The following TNS1 variants were observed in gnomAD, a reference collection of about 807,000 sequenced individuals.
The protein encoded by TNS1 is tensin-1.
In TNS1, 62 loss-of-function variants were observed where a neutral mutation model predicts 168.6. The ratio of observed to expected loss-of-function variants is 0.37; its 90% CI spans 0.30 to 0.45. The LOEUF (loss-of-function observed/expected upper bound fraction) is 0.45. Ranked by LOEUF, TNS1 falls within the 20% of genes least tolerant of loss-of-function variation. TNS1 has a pLI of 1.00. For synonymous variants in TNS1, 934 were observed against 933.2 expected, an observed-to-expected ratio of 1.00 and a Z score of -0.02; for missense variants, 2,240 against 2,339.4, an observed-to-expected ratio of 0.96 and a Z score of 0.88.
chr2:218,019,326 T>A (rs1958787484), intron 1 of TNS1, among the ~76,000 whole-genome samples: 1 of 152,176 alleles, frequency 6.6e-6, no homozygotes, highest in Non-Finnish European at 1.5e-5. Flanking sequence ...CAAATGACGG[T>A]GCTGACATGC....
intron 4 of TNS1, among the ~76,000 whole-genome samples, chr2:217,918,177 G>A (rs1955292239): frequency 6.6e-6 from 1 of 152,236 alleles, no homozygotes; most frequent in South Asian, 2.1e-4. Flanking sequence ...GGATTAATGT[G>A]CTCACTTTGG....
intron 1 of TNS1, among the ~76,000 whole-genome samples, chr2:218,030,051 C>T (rs1241944222): frequency 6.6e-6 from 1 of 152,180 alleles, no homozygotes; most frequent in Admixed American, 6.5e-5. Context: ...ACTCAGCCCT[C>T]TCCCTGGCTG....
chr2:217,810,205 A>C (rs1001805043), intron 29 of TNS1, 43 bp downstream of exon 29: 1 of 1,608,370 alleles, frequency 6.2e-7, no homozygotes, highest in Admixed American at 1.7e-5. Context: ...GGAAGGCAGA[A>C]AGAGAGGCCT....
chr2:217,851,976 T>A (rs928139510), intron 18 of TNS1, among the ~76,000 whole-genome samples: 1 of 152,168 alleles, frequency 6.6e-6, no homozygotes, highest in Non-Finnish European at 1.5e-5. Context: ...AAACCCCACC[T>A]CTACTAAAAA....
chr2:217,930,515 G>T (rs1161296345), intron 3 of TNS1, among the ~76,000 whole-genome samples: 2 of 152,218 alleles, frequency 1.3e-5, no homozygotes, highest in Non-Finnish European at 2.9e-5. Context: ...GGAGGGCCAG[G>T]CTGAGGCCAA....
At chr2:217,868,449 C>T (rs936155348) in intron 18 of TNS1, among the ~76,000 whole-genome samples, 3 of 152,204 alleles carry the variant, frequency 2.0e-5, no homozygotes, top group African/African-American at 7.2e-5. Context: ...ACTGGACTTG[C>T]AGCCAGAGGC....
intron 22 of TNS1, chr2:217,829,814 G>C: frequency 6.2e-7 from 1 of 1,613,728 alleles, no homozygotes. Flanking sequence ...CAGACCCAGA[G>C]AGCAGGAAGT....
rs73076327 is a variant in TNS1, at chr2:217,863,328, G to A, written c.1430-14241C>T. On this transcript the variant is annotated intron_variant, in intron 18 of 32. Transcript: ENST00000682258. ...AGGTAGCCAGGGCCCCCCAGGGAATGTGTGACAATACTGCAGATATTTGGG... is the reference window on the plus strand; with the variant it reads ...AGGTAGCCAGGGCCCCCCAGGGAATATGTGACAATACTGCAGATATTTGGG... Among the ~76,000 whole-genome samples the A allele has an allele frequency of 9.0e-3, 1,367 of 152,272 alleles. 19 individuals are homozygous for A. The highest frequency in any genetic ancestry group is 0.031 in the African/African-American group (1,294 of 41,532).
At chr2:217,991,125 C>G (rs146978926) in intron 1 of TNS1, 69 bp from the exon 2 acceptor site, 3 of 512,114 alleles carry the variant, frequency 5.9e-6, no homozygotes, top group African/African-American at 5.7e-5. Flanking sequence ...AGTAGAGGAG[C>G]CTGGGGGAGA....
chr2:217,871,455 T>C (rs2042541), intron 18 of TNS1, among the ~76,000 whole-genome samples: 47,703 of 152,102 alleles, frequency 0.31, 7,787 homozygotes, highest in East Asian at 0.37. Context: ...TCTGCTTAGA[T>C]ACAAGGGGCA....
chr2:217,812,567 C>T, intron 27 of TNS1, 122 bp from the exon 28 acceptor site: 1 of 736,532 alleles, frequency 1.4e-6, no homozygotes, highest in Non-Finnish European at 2.2e-6. Context: ...TACCTCAACC[C>T]ACCACCAAAG....
intron 1 of TNS1, among the ~76,000 whole-genome samples, chr2:217,991,893 A>C (rs1958375754): frequency 6.6e-6 from 1 of 151,922 alleles, no homozygotes; most frequent in African/African-American, 2.4e-5. Flanking sequence ...AAATGACACC[A>C]CCTCATGCAT....
chr2:217,895,292 C>T (rs1215571173), intron 8 of TNS1, among the ~76,000 whole-genome samples: 3 of 152,162 alleles, frequency 2.0e-5, no homozygotes, highest in Admixed American at 2.0e-4. Flanking sequence ...TCTCTCTCCC[C>T]GATAGGAATT....
intron 19 of TNS1, among the ~76,000 whole-genome samples, chr2:217,839,362 C>T (rs1331078175): frequency 1.3e-5 from 2 of 152,092 alleles, no homozygotes; most frequent in African/African-American, 4.8e-5. Flanking sequence ...CACAGCCCTG[C>T]CAGGATGAGC....
chr2:217,924,473 C>A (rs1030573296), intron 3 of TNS1, among the ~76,000 whole-genome samples: 5 of 152,208 alleles, frequency 3.3e-5, no homozygotes, highest in Non-Finnish European at 5.9e-5. Context: ...GGGCAGGAAG[C>A]ACATCTTATC....
In TNS1 at chr2:217,818,047, C is replaced by A. The variant is rs1489932110; in HGVS notation, c.4285G>T (p.Gly1429Cys). 1 of 1,607,174 alleles carries A rather than the reference C, an allele frequency of 6.2e-7. No individual in the cohort carries two copies. Among genetic ancestry groups the A allele is most frequent in the African/African-American group, 1.3e-5 (1 of 74,990 alleles). Residue 1429 changes from glycine to cysteine, a missense_variant, in exon 24 of 33, where the codon GGC becomes TGC. Transcript: ENST00000682258. ...PCLDRHVAYG[G>C]YSTPEDRRPT... ...CTCCGATCCTCCGGGGTAGAATAGC[C>A]ACCATAGGCCACATGCCGGTCCAAG...
chr2:217,960,797 C>G (rs1957477051), intron 3 of TNS1, among the ~76,000 whole-genome samples: 1 of 152,168 alleles, frequency 6.6e-6, no homozygotes. Context: ...CCAATTCCCT[C>G]CAGCTGCAGT....
chr2:217,881,948 A>G lies in TNS1; in HGVS notation c.1312+398T>C, dbSNP rs141231628. ...ACTTATAACCAGTATAGAGGCTTCA[A>G]GGTTATTATTAAACCAGCCTTCAGG... is the stretch of plus-strand genomic sequence containing the variant. On this transcript the variant is annotated intron_variant, in intron 17 of 32. Coordinates refer to ENST00000682258, the MANE Select transcript of TNS1 (RefSeq NM_001387777.1). The G allele has an allele frequency of 3.1e-3, 513 of 167,920 alleles. 3 individuals carry two copies. The highest frequency in any genetic ancestry group is 0.011 in the African/African-American group (480 of 41,782). 10.4% of individuals were successfully genotyped at this position (167,920 alleles called of 1,614,324 possible). A position where few individuals can be genotyped will look rare whatever the true frequency, so the allele number is the denominator to read the frequency against.
At chr2:217,951,325 G>A (rs1015656902) in intron 3 of TNS1, among the ~76,000 whole-genome samples, 3 of 152,126 alleles carry the variant, frequency 2.0e-5, no homozygotes, top group Non-Finnish European at 2.9e-5. Context: ...CCAGAATTAC[G>A]ATTCATCTCT....
Sources: gnomAD v4.1 joint callset for allele counts (sites outside exome capture counted in the v4.1 genomes callset) on GRCh38, gnomAD v4.1.1 for gene constraint, MANE v1.5 for transcripts, NCBI Gene and HGNC (gene_info 2026-07-23, HGNC 2026-07-21) for gene names.